Variants in CREB5 observed in about 807,000 individuals in gnomAD.
CREB5 encodes the protein cyclic AMP-responsive element-binding protein 5.
In CREB5, 19 loss-of-function variants were observed where a neutral mutation model predicts 57.1. The ratio of observed to expected loss-of-function variants is 0.33; its 90% CI spans 0.23 to 0.49. The LOEUF (loss-of-function observed/expected upper bound fraction) is 0.49, where lower values mean the gene tolerates loss of function less well. Ranked by LOEUF, CREB5 falls within the 20% of genes least tolerant of loss-of-function variation. The probability of loss-of-function intolerance (pLI) is 0.99; values close to 1 mark genes in which losing one functional copy is unlikely to be tolerated. For missense variants in CREB5, 579 were observed against 671.6 expected, an observed-to-expected ratio of 0.86 and a Z score of 1.52; for synonymous variants, 238 against 238.3, an observed-to-expected ratio of 1.00 and a Z score of 0.01.
chr7:28,312,801 A>T (rs1211041851), intron 1 of CREB5, among the ~76,000 whole-genome samples: 3 of 152,184 alleles, frequency 2.0e-5, no homozygotes, highest in Non-Finnish European at 4.4e-5. Flanking sequence ...AGTTTATAAC[A>T]ATTGCAGTAA....
At chr7:28,683,385 G>T (rs1051324165) in intron 5 of CREB5, among the ~76,000 whole-genome samples, 1 of 152,130 alleles carries the variant, frequency 6.6e-6, no homozygotes, top group African/African-American at 2.4e-5. Flanking sequence ...GTTATGTCCC[G>T]AACAACAAGT....
In CREB5 at chr7:28,488,251, G is replaced by C; in HGVS notation, c.75+5G>C. The C allele has an allele frequency of 6.2e-7, 1 of 1,613,526 alleles. No homozygotes were observed. The highest frequency in any genetic ancestry group is 8.5e-7 in the Non-Finnish European group (1 of 1,179,710). On this transcript the variant is annotated splice_donor_5th_base_variant and intron_variant, in intron 2 of 10. Transcript: ENST00000357727. The stretch of plus-strand genomic sequence containing the variant: ...AGTGCCCCAGGCTGCTCCCAGGTGA[G>C]TGTGCGGATCCTCCCTGCTCTGACA...
At chr7:28,461,864 T>TTA (rs576605559) in intron 1 of CREB5, among the ~76,000 whole-genome samples, 17 of 151,814 alleles carry the variant, frequency 1.1e-4, no homozygotes, top group East Asian at 7.7e-4. Flanking sequence ...ACTTGTAGTT[T>TTA]TATATATATA....
chr7:28,587,472 G>A (rs752342564), intron 5 of CREB5, among the ~76,000 whole-genome samples: 7 of 148,492 alleles, frequency 4.7e-5, no homozygotes, highest in Non-Finnish European at 7.4e-5. Context: ...GAAAGAGCAG[G>A]CCAAAGGTAG....
At chr7:28,582,454 A>G (rs1471747539) in intron 5 of CREB5, among the ~76,000 whole-genome samples, 1 of 152,116 alleles carries the variant, frequency 6.6e-6, no homozygotes, top group East Asian at 1.9e-4. Context: ...TACGTCAAAG[A>G]CCCTGTTGCA....
intron 5 of CREB5, among the ~76,000 whole-genome samples, chr7:28,628,180 A>T (rs1012419485): frequency 6.6e-6 from 1 of 151,882 alleles, no homozygotes. Context: ...AATGGCTCTC[A>T]TATCTCTCGT....
chr7:28,756,639 A>G (rs16874676), intron 7 of CREB5, among the ~76,000 whole-genome samples: 2,531 of 152,134 alleles, frequency 0.017, 62 homozygotes, highest in Admixed American at 0.07. Flanking sequence ...TCACTTAGAA[A>G]TCTTCCAGAA....
chr7:28,480,294 T>C (rs1263220203), intron 1 of CREB5, among the ~76,000 whole-genome samples: 1 of 152,176 alleles, frequency 6.6e-6, no homozygotes, highest in Non-Finnish European at 1.5e-5. Flanking sequence ...CTGACCTTTT[T>C]CTTAGATTTT....
At chr7:28,448,194 G>A (rs925928952) in intron 1 of CREB5, among the ~76,000 whole-genome samples, 29 of 152,252 alleles carry the variant, frequency 1.9e-4, no homozygotes, top group Non-Finnish European at 2.6e-4. Flanking sequence ...TTCTGCCCTC[G>A]AACATCAGAC....
intron 5 of CREB5, among the ~76,000 whole-genome samples, chr7:28,665,752 C>T (rs765707355): frequency 1.1e-4 from 16 of 152,046 alleles, no homozygotes; most frequent in Admixed American, 2.6e-4. Context: ...TCAAAGATCA[C>T]ATTTAGCCTT....
chr7:28,376,111 A>G (rs902220281), intron 1 of CREB5, among the ~76,000 whole-genome samples: 6 of 152,114 alleles, frequency 3.9e-5, no homozygotes, highest in African/African-American at 9.7e-5. Flanking sequence ...TGTTTATTCA[A>G]TTTTGGTCAG....
intron 1 of CREB5, among the ~76,000 whole-genome samples, chr7:28,316,582 G>A (rs1003179352): frequency 1.3e-5 from 2 of 152,032 alleles, no homozygotes; most frequent in African/African-American, 4.8e-5. Flanking sequence ...CATCCATTGG[G>A]CATCTCGTAT....
intron 5 of CREB5, among the ~76,000 whole-genome samples, chr7:28,705,986 A>G (rs1449570155): frequency 6.6e-6 from 1 of 152,234 alleles, no homozygotes; most frequent in Non-Finnish European, 1.5e-5. Context: ...ATCGAAATAA[A>G]ACAAGTCCAT....
intron 10 of CREB5, chr7:28,818,822 G>A (rs1583818104): frequency 3.9e-6 from 2 of 516,866 alleles, no homozygotes; most frequent in East Asian, 5.2e-5. Context: ...TATACGGATG[G>A]CTATTTAAAA....
chr7:28,542,329 C>A (rs1270531950), intron 4 of CREB5, among the ~76,000 whole-genome samples: 4 of 152,160 alleles, frequency 2.6e-5, no homozygotes, highest in Admixed American at 6.5e-5. Context: ...TTTTTAGATA[C>A]CTTAAGTCGT....
intron 5 of CREB5, among the ~76,000 whole-genome samples, chr7:28,582,347 C>A (rs1796151075): frequency 6.6e-6 from 1 of 152,176 alleles, no homozygotes; most frequent in Non-Finnish European, 1.5e-5. Context: ...TTAATTTGTT[C>A]ATTCTCAATG....
At chr7:28,490,503 C>A (rs1261509056) in intron 2 of CREB5, among the ~76,000 whole-genome samples, 1 of 152,158 alleles carries the variant, frequency 6.6e-6, no homozygotes, top group African/African-American at 2.4e-5. Flanking sequence ...GGCTGTAAGC[C>A]ATATCTAATA....
At chr7:28,516,566 G>A (rs1290071814) in intron 4 of CREB5, among the ~76,000 whole-genome samples, 1 of 152,200 alleles carries the variant, frequency 6.6e-6, no homozygotes, top group Non-Finnish European at 1.5e-5. Context: ...CACTTCTTTG[G>A]CCCGCCCTGC....
chr7:28,625,025 TTTA>T (rs1797950200), intron 5 of CREB5, among the ~76,000 whole-genome samples: 1 of 150,164 alleles, frequency 6.7e-6, no homozygotes, highest in African/African-American at 2.5e-5. Flanking sequence ...TTGGTGAGGA[TTTA>T]AAAATACAGA....
Sources: allele counts gnomAD v4.1 joint callset (sites outside exome capture counted in the v4.1 genomes callset), GRCh38; gene constraint gnomAD v4.1.1; transcripts MANE v1.5; gene names NCBI Gene and HGNC (gene_info 2026-07-23, HGNC 2026-07-21).